RCOR1: variants seen among roughly 807,000 people sequenced by gnomAD.
RCOR1 encodes REST corepressor.
In RCOR1, 12 loss-of-function variants were observed where a neutral mutation model predicts 64.0. The ratio of observed to expected loss-of-function variants is 0.19; its 90% confidence interval spans 0.12 to 0.30. RCOR1 has a LOEUF of 0.30. RCOR1 is among the 10% of genes least tolerant of loss of function. The pLI, the probability that RCOR1 is intolerant of heterozygous loss-of-function variation, is 1.00. For synonymous variants in RCOR1, 279 were observed against 227.2 expected, an observed-to-expected ratio of 1.23 and a Z score of -2.05; for missense variants, 502 against 621.2, an observed-to-expected ratio of 0.81 and a Z score of 2.04.
At chr14:102,696,808 C>CTTTTT (rs71305075) in intron 3 of RCOR1, among the ~76,000 whole-genome samples, 110 of 57,146 alleles carry the variant, frequency 1.9e-3, no homozygotes, top group Non-Finnish European at 2.3e-3. Flanking sequence ...ATCTGCTTAT[C>CTTTTT]TTTTTTTTTT....
intron 2 of RCOR1, among the ~76,000 whole-genome samples, chr14:102,663,731 G>A (rs1235051245): frequency 5.9e-5 from 9 of 152,176 alleles, no homozygotes; most frequent in Non-Finnish European, 8.8e-5. Context: ...GGAGAAACCT[G>A]AGCCTAAAAC....
At chr14:102,630,651 C>A (rs1470653607) in intron 2 of RCOR1, among the ~76,000 whole-genome samples, 1 of 152,162 alleles carries the variant, frequency 6.6e-6, no homozygotes, top group African/African-American at 2.4e-5. Flanking sequence ...GGTAATACCT[C>A]ATCCAGAAGA....
chr14:102,669,822 G>A (rs116820503), intron 2 of RCOR1, among the ~76,000 whole-genome samples: 4 of 152,038 alleles, frequency 2.6e-5, no homozygotes, highest in Non-Finnish European at 5.9e-5. Context: ...ATTACCCAAC[G>A]TCAGAAGCCA....
intron 2 of RCOR1, among the ~76,000 whole-genome samples, chr14:102,651,898 A>G (rs1894599103): frequency 6.6e-6 from 1 of 152,204 alleles, no homozygotes; most frequent in Non-Finnish European, 1.5e-5. Context: ...ATAGCCCTGT[A>G]GACCTGATTT....
In RCOR1 at chr14:102,729,666, C is replaced by T. The variant is rs1238219495; in HGVS notation, c.*3160C>T. ...TGTTCATCTAAAGTTTCCTCAGATA[C>T]CACAGACCACTGTTAAGTGTGCTCA... On this transcript the variant is annotated 3_prime_UTR_variant, in exon 12 of 12. Transcript: ENST00000262241. The T allele has an allele frequency of 5.1e-6, 2 of 393,698 alleles. No homozygotes were observed. Among genetic ancestry groups the T allele is most frequent in the African/African-American group, 2.1e-5 (1 of 48,530 alleles). 24.4% of individuals were successfully genotyped at this position (393,698 alleles called of 1,614,324 possible).
At chr14:102,653,632 TG>T (rs1165793284) in intron 2 of RCOR1, among the ~76,000 whole-genome samples, 3 of 152,146 alleles carry the variant, frequency 2.0e-5, no homozygotes, top group Non-Finnish European at 4.4e-5. Flanking sequence ...GATTGGATCA[TG>T]GGGGTGGATA....
rs35488660 is a variant in RCOR1 at position 102,619,473 on chromosome 14, CT to C, written c.361+26172del. On this transcript the variant is annotated intron_variant, in intron 2 of 11. Coordinates refer to ENST00000262241, the MANE Select transcript of RCOR1 (RefSeq NM_015156.4). ...TGTCTATCTATCTATTCTATCTAAT[CT>C]TTTTTTTTTTTTTTTTTTTTTTTGG... 8.6e-3 allele frequency among the ~76,000 whole-genome samples: 1,119 copies of C among 130,556 alleles called. 1 individual carries two copies. The highest frequency in any genetic ancestry group is 0.013 in the Non-Finnish European group (834 of 62,562). 85.6% of individuals were successfully genotyped at this position (130,556 alleles called of 152,430 possible). A position where few individuals can be genotyped will look rare whatever the true frequency, so the allele number is the denominator to read the frequency against.
At chr14:102,708,417 A>T in intron 5 of RCOR1, 48 bp from the exon 6 acceptor site, 1 of 1,124,414 alleles carries the variant, frequency 8.9e-7, no homozygotes, top group African/African-American at 1.5e-5. Flanking sequence ...TTTGATTTTT[A>T]AAGATTACTT....
At position 102,729,865 on chromosome 14, in the gene RCOR1, C is replaced by G. The variant is rs1036842435; in HGVS notation, c.*3359C>G. On this transcript the variant is annotated 3_prime_UTR_variant, in exon 12 of 12. Coordinates refer to ENST00000262241, the MANE Select transcript of RCOR1 (RefSeq NM_015156.4). Reference sequence around the variant, plus strand: ...AACTCCAACGAGGGCCTCTTTTTCTCTCTTGTCTAGCCTGTTTCTAAACCG... The same window carrying G: ...AACTCCAACGAGGGCCTCTTTTTCTGTCTTGTCTAGCCTGTTTCTAAACCG... 1 of 399,086 alleles carries G rather than the reference C, an allele frequency of 2.5e-6. No homozygotes were observed. The highest frequency in any genetic ancestry group is 4.4e-6 in the Non-Finnish European group (1 of 226,066). 24.7% of individuals were successfully genotyped at this position (399,086 alleles called of 1,614,324 possible). A position where few individuals can be genotyped will look rare whatever the true frequency, so the allele number is the denominator to read the frequency against.
chr14:102,701,230 G>A (rs1204284533), intron 3 of RCOR1, 48 bp from the exon 4 acceptor site: 3 of 1,448,900 alleles, frequency 2.1e-6, no homozygotes, highest in Non-Finnish European at 2.9e-6. Context: ...ACCATAGGGT[G>A]TACTCTGTCC....
At chr14:102,619,381 A>G (rs1893825548) in intron 2 of RCOR1, among the ~76,000 whole-genome samples, 1 of 151,478 alleles carries the variant, frequency 6.6e-6, no homozygotes, top group African/African-American at 2.4e-5. Context: ...CAGCCTCCCA[A>G]AATGCTGAGA....
intron 2 of RCOR1, among the ~76,000 whole-genome samples, chr14:102,627,960 G>GGTGTGTGGGTGTGT (rs111567237): frequency 6.7e-6 from 1 of 148,972 alleles, no homozygotes; most frequent in African/African-American, 2.5e-5. Context: ...ATTTAAAAGG[G>GGTGTGTGGGTGTGT]GTGTGTGTGT....
intron 2 of RCOR1, among the ~76,000 whole-genome samples, chr14:102,614,744 A>G (rs1893716048): frequency 1.3e-5 from 2 of 152,238 alleles, no homozygotes; most frequent in South Asian, 4.1e-4. Flanking sequence ...TAGAATAGCT[A>G]AACTTTTATC....
intron 2 of RCOR1, among the ~76,000 whole-genome samples, chr14:102,650,682 T>A (rs1031355615): frequency 6.6e-6 from 1 of 152,206 alleles, no homozygotes; most frequent in Non-Finnish European, 1.5e-5. Context: ...CTCATTTTAC[T>A]GATGGAGAAG....
chr14:102,719,317 A>G (rs1896129403), intron 8 of RCOR1, among the ~76,000 whole-genome samples: 1 of 152,044 alleles, frequency 6.6e-6, no homozygotes, highest in Non-Finnish European at 1.5e-5. Flanking sequence ...TTTATTACAT[A>G]TGTATGCATG....
chr14:102,726,473 T>C lies in RCOR1; in HGVS notation c.1425T>C (p.Pro475=). The C allele has an allele frequency of 1.3e-6, 2 of 1,594,548 alleles. No individual in the cohort carries two copies. The highest frequency in any genetic ancestry group is 1.7e-4 in the Middle Eastern group (1 of 6,026). ...TTTTTTCCTCTTGGCCTCAGGCTCCTGTTCTGGATGTCAGATATGCATCTG... is the reference window on the plus strand; with the variant it reads ...TTTTTTCCTCTTGGCCTCAGGCTCCCGTTCTGGATGTCAGATATGCATCTG... ...IKMPEEEDEA[P]VLDVRYASAS is the part of the protein sequence containing the mutation. The change falls in exon 12 of 12, where the codon CCT becomes CCC. Residue 475 remains proline (P), a synonymous_variant. Coordinates refer to ENST00000262241, the MANE Select transcript of RCOR1 (RefSeq NM_015156.4).
intron 2 of RCOR1, among the ~76,000 whole-genome samples, chr14:102,608,292 C>T (rs148008470): frequency 1.3e-5 from 2 of 152,250 alleles, no homozygotes; most frequent in East Asian, 1.9e-4. Flanking sequence ...GGAACTTTCA[C>T]GTAAATGGGT....
intron 2 of RCOR1, among the ~76,000 whole-genome samples, chr14:102,649,281 A>G (rs1294407563): frequency 6.6e-6 from 1 of 152,222 alleles, no homozygotes; most frequent in East Asian, 1.9e-4. Flanking sequence ...CGAGAGTGCC[A>G]TAACACTGAA....
chr14:102,658,489 T>C, intron 2 of RCOR1: 1 of 979,034 alleles, frequency 1.0e-6, no homozygotes, highest in Non-Finnish European at 1.2e-6. Flanking sequence ...CTGAAAAAAA[T>C]AATAATAAAA....
Sources: gnomAD v4.1 joint callset for allele counts (sites outside exome capture counted in the v4.1 genomes callset) on GRCh38, gnomAD v4.1.1 for gene constraint, MANE v1.5 for transcripts, NCBI Gene and HGNC (gene_info 2026-07-23, HGNC 2026-07-21) for gene names.